Variants in ENTPD1 observed in about 807,000 individuals in gnomAD.
ENTPD1 encodes the protein ATP diphosphohydrolase.
A neutral mutation model predicts 57.0 loss-of-function variants in ENTPD1; 33 were observed. The ratio of observed to expected loss-of-function variants is 0.58; its 90% CI spans 0.44 to 0.77. The LOEUF is 0.77. ENTPD1 is among the 30% of genes least tolerant of loss of function. The pLI is 0.00. For synonymous variants in ENTPD1, 202 were observed against 218.8 expected, an observed-to-expected ratio of 0.92 and a Z score of 0.68; for missense variants, 501 against 603.4, an observed-to-expected ratio of 0.83 and a Z score of 1.78.
the ENTPD1 span, among the ~76,000 whole-genome samples, chr10:95,695,999 AT>A: frequency 6.6e-6 from 1 of 152,140 alleles, no homozygotes; most frequent in Non-Finnish European, 1.5e-5. Context: ...ATCAGAGACT[AT>A]TTTAGATTTC....
chr10:95,715,474 T>G (rs2097970487), intron 1 of ENTPD1, among the ~76,000 whole-genome samples: 1 of 151,772 alleles, frequency 6.6e-6, no homozygotes, highest in Non-Finnish European at 1.5e-5. Flanking sequence ...TGTAGTTAGA[T>G]CTTGTTTTTT....
At chr10:95,818,734 A>AGT (rs1223546694) in intron 1 of ENTPD1, among the ~76,000 whole-genome samples, 2 of 152,196 alleles carry the variant, frequency 1.3e-5, no homozygotes, top group African/African-American at 4.8e-5. Flanking sequence ...AGAAGAAGGA[A>AGT]GGTAGCAGGG....
At chr10:95,780,414 G>A (rs2098152389) in intron 1 of ENTPD1, among the ~76,000 whole-genome samples, 1 of 152,190 alleles carries the variant, frequency 6.6e-6, no homozygotes, top group African/African-American at 2.4e-5. Flanking sequence ...TATTGAATGA[G>A]TACATGAATG....
intron 1 of ENTPD1, among the ~76,000 whole-genome samples, chr10:95,805,803 A>T (rs1009951704): frequency 2.6e-5 from 4 of 152,218 alleles, no homozygotes; most frequent in African/African-American, 9.6e-5. Context: ...TTCTTTAAGA[A>T]TGTTGAATAT....
intron 1 of ENTPD1, among the ~76,000 whole-genome samples, chr10:95,733,816 G>A (rs753773447): frequency 6.6e-6 from 1 of 152,152 alleles, no homozygotes; most frequent in Non-Finnish European, 1.5e-5. Context: ...GTTAATTATT[G>A]TGGGTTCCCA....
intron 5 of ENTPD1, 144 bp downstream of exon 5, chr10:95,844,779 T>C: frequency 9.3e-7 from 1 of 1,078,378 alleles, no homozygotes; most frequent in Non-Finnish European, 1.4e-6. Flanking sequence ...ATGAATTTAC[T>C]CTCACATTTG....
chr10:95,769,573 T>A (rs542750059), intron 1 of ENTPD1, among the ~76,000 whole-genome samples: 1 of 152,180 alleles, frequency 6.6e-6, no homozygotes, highest in Non-Finnish European at 1.5e-5. Context: ...TATAGAGCAA[T>A]GGGAAACCAC....
At chr10:95,809,347 GC>G (rs1291963444) in intron 1 of ENTPD1, among the ~76,000 whole-genome samples, 19 of 148,130 alleles carry the variant, frequency 1.3e-4, no homozygotes, top group African/African-American at 4.0e-4. Context: ...GGGCAGAGGC[GC>G]CCCCCACCCC....
At chr10:95,710,808 CTA>C (rs2097964948), upstream of ENTPD1, among the ~76,000 whole-genome samples, 1 of 152,128 alleles carries the variant, frequency 6.6e-6, no homozygotes, top group Non-Finnish European at 1.5e-5. Flanking sequence ...AATTTTGACT[CTA>C]TGGCAGAAAC....
At chr10:95,865,027 G>A (rs960071596) in intron 9 of ENTPD1, among the ~76,000 whole-genome samples, 166 bp downstream of exon 9, 12 of 152,024 alleles carry the variant, frequency 7.9e-5, no homozygotes, top group Non-Finnish European at 1.8e-4. Context: ...AGCCCTCCTG[G>A]GTCTGTTGGC....
rs771612643 is a variant in ENTPD1 at position 95,870,762 on chromosome 10, A to T, written c.*4379A>T. ...TTCAAATTCCAACTGTTAGAACATG[A>T]CAGCTGCTCATAACTAGCTTTGCTT... On this transcript the variant is annotated 3_prime_UTR_variant, in exon 10 of 10. Coordinates refer to ENST00000371205, the MANE Select transcript of ENTPD1 (RefSeq NM_001776.6). 22 of 985,436 alleles carry T rather than the reference A, an allele frequency of 2.2e-5. No homozygotes were observed. Among genetic ancestry groups the T allele is most frequent in the Non-Finnish European group, 2.7e-5 (22 of 829,926 alleles). The allele number at this position is 985,436 out of a possible 1,614,324, so 61.0% of individuals were successfully genotyped here.
chr10:95,781,640 A>G (rs1327914497), intron 1 of ENTPD1, among the ~76,000 whole-genome samples: 1 of 152,226 alleles, frequency 6.6e-6, no homozygotes, highest in African/African-American at 2.4e-5. Context: ...GTCTCCTACT[A>G]ATTTGGTCAA....
intron 1 of ENTPD1, among the ~76,000 whole-genome samples, chr10:95,778,449 CAG>C (rs1206950091): frequency 5.4e-5 from 8 of 149,010 alleles, no homozygotes; most frequent in Non-Finnish European, 1.0e-4. Flanking sequence ...TAAACTAAAA[CAG>C]TGAGGTACTA....
At chr10:95,735,075 A>G (rs1193873077) in intron 1 of ENTPD1, among the ~76,000 whole-genome samples, 1 of 139,202 alleles carries the variant, frequency 7.2e-6, no homozygotes, top group African/African-American at 2.7e-5. Context: ...TGTCTTGCCC[A>G]GGCTGGAGTG....
At chr10:95,760,472 T>C (rs1490969030) in intron 1 of ENTPD1, among the ~76,000 whole-genome samples, 1 of 152,224 alleles carries the variant, frequency 6.6e-6, no homozygotes, top group East Asian at 1.9e-4. Context: ...GTACAGAGTT[T>C]ATCCTTCACT....
At chr10:95,751,924 A>G (rs1290147175), upstream of ENTPD1, among the ~76,000 whole-genome samples, 1 of 152,124 alleles carries the variant, frequency 6.6e-6, no homozygotes, top group Admixed American at 6.5e-5. Context: ...TAGGTAGAAT[A>G]AGTGAAGTAG....
At chr10:95,708,469 C>T (rs1785405040), upstream of ENTPD1, among the ~76,000 whole-genome samples, 1 of 152,216 alleles carries the variant, frequency 6.6e-6, no homozygotes, top group African/African-American at 2.4e-5. Flanking sequence ...GCCTCAGCCT[C>T]CCAAAGTGCT....
At chr10:95,708,416 G>A (rs1342534886), upstream of ENTPD1, among the ~76,000 whole-genome samples, 1 of 152,022 alleles carries the variant, frequency 6.6e-6, no homozygotes, top group African/African-American at 2.4e-5. Flanking sequence ...GTTTCACTAT[G>A]TTGGCCTGGA....
intron 1 of ENTPD1, among the ~76,000 whole-genome samples, chr10:95,822,539 C>A (rs1379111927): frequency 6.6e-6 from 1 of 152,180 alleles, no homozygotes; most frequent in African/African-American, 2.4e-5. Context: ...TTGAGATCCA[C>A]CTGCCTCAGC....
Sources: allele counts gnomAD v4.1 joint callset (sites outside exome capture counted in the v4.1 genomes callset), GRCh38; gene constraint gnomAD v4.1.1; transcripts MANE v1.5; gene names NCBI Gene and HGNC (gene_info 2026-07-23, HGNC 2026-07-21).